The following ANO6 variants were observed in gnomAD, a reference collection of about 807,000 sequenced individuals.
ANO6 encodes the protein anoctamin 6.
A neutral mutation model predicts 117.5 loss-of-function variants in ANO6; 106 were observed. The ratio of observed to expected loss-of-function variants is 0.90; its 90% CI spans 0.77 to 1.06. The LOEUF (loss-of-function observed/expected upper bound fraction) is 1.06, where lower values mean the gene tolerates loss of function less well. Ranked by LOEUF, ANO6 falls within the 50% of genes least tolerant of loss-of-function variation. The probability of loss-of-function intolerance (pLI) is 0.00; values close to 1 mark genes in which losing one functional copy is unlikely to be tolerated. For missense variants in ANO6, 955 were observed against 1,121.1 expected, an observed-to-expected ratio of 0.85 and a Z score of 2.12; for synonymous variants, 367 against 385.1, an observed-to-expected ratio of 0.95 and a Z score of 0.55.
intron 1 of ANO6, among the ~76,000 whole-genome samples, chr12:45,248,664 C>T (rs914852169): frequency 1.3e-5 from 2 of 151,956 alleles, no homozygotes; most frequent in African/African-American, 2.4e-5. Context: ...GTGACCCGCC[C>T]GCCTCAGCTT....
At chr12:45,352,766 C>CAGAATA (rs1486481828) in intron 7 of ANO6, among the ~76,000 whole-genome samples, 1 of 151,514 alleles carries the variant, frequency 6.6e-6, no homozygotes, top group Non-Finnish European at 1.5e-5. Flanking sequence ...ATCAGATAAT[C>CAGAATA]AGGATTCAGA....
chr12:45,398,489 T>G (rs1189630719), intron 12 of ANO6, among the ~76,000 whole-genome samples: 1 of 152,212 alleles, frequency 6.6e-6, no homozygotes, highest in South Asian at 2.1e-4. Context: ...CTCAAAAATA[T>G]TCATATGCTT....
At chr12:45,282,394 A>G (rs1392743040) in intron 1 of ANO6, among the ~76,000 whole-genome samples, 2 of 152,204 alleles carry the variant, frequency 1.3e-5, no homozygotes, top group Admixed American at 6.5e-5. Context: ...TCAGAAGTCA[A>G]GGCGCAGTCA....
At chr12:45,304,454 G>C (rs1307333885) in intron 2 of ANO6, among the ~76,000 whole-genome samples, 2 of 152,138 alleles carry the variant, frequency 1.3e-5, no homozygotes, top group Non-Finnish European at 1.5e-5. Flanking sequence ...ATTGAAGAAA[G>C]AAGACTGAAA....
chr12:45,253,302 T>C (rs561687275), intron 1 of ANO6, among the ~76,000 whole-genome samples: 15 of 152,336 alleles, frequency 9.8e-5, no homozygotes, highest in Non-Finnish European at 2.2e-4. Flanking sequence ...AGAGCTTGTT[T>C]TTCTCATCTC....
At chr12:45,286,631 A>G (rs1938924819) in intron 1 of ANO6, among the ~76,000 whole-genome samples, 1 of 152,258 alleles carries the variant, frequency 6.6e-6, no homozygotes, top group Non-Finnish European at 1.5e-5. Context: ...CTCAACAGCT[A>G]TCTTCCTAAA....
At chr12:45,324,402 C>T (rs1286465060) in intron 2 of ANO6, among the ~76,000 whole-genome samples, 1 of 152,162 alleles carries the variant, frequency 6.6e-6, no homozygotes, top group Non-Finnish European at 1.5e-5. Flanking sequence ...TAGGAATCGT[C>T]ACAATCCTTT....
intron 1 of ANO6, among the ~76,000 whole-genome samples, chr12:45,248,968 G>A (rs1350396318): frequency 2.0e-5 from 3 of 152,174 alleles, no homozygotes; most frequent in Non-Finnish European, 4.4e-5. Context: ...GGAAATGGAA[G>A]CTGCTTCCTG....
At chr12:45,343,901 C>T (rs1172981023) in intron 3 of ANO6, among the ~76,000 whole-genome samples, 2 of 101,184 alleles carry the variant, frequency 2.0e-5, no homozygotes, top group Admixed American at 1.8e-4. Context: ...ATGTATTCTG[C>T]TTGGCCTGGC....
intron 16 of ANO6, among the ~76,000 whole-genome samples, chr12:45,410,772 T>C (rs1943066882): frequency 6.6e-6 from 1 of 152,248 alleles, no homozygotes; most frequent in African/African-American, 2.4e-5. Flanking sequence ...AGAAGGTGGT[T>C]TTTATTAAAT....
At chr12:45,311,207 C>G (rs1241001409) in intron 2 of ANO6, among the ~76,000 whole-genome samples, 2 of 151,940 alleles carry the variant, frequency 1.3e-5, no homozygotes, top group African/African-American at 4.8e-5. Context: ...AAATCAATCT[C>G]TAGAGGAGAC....
At position 45,429,401 on chromosome 12, in the gene ANO6, T is replaced by G; in HGVS notation, c.*90T>G. Reference sequence around the variant, plus strand: ...AATGAGAATGTGTAAGTTAAATCACTTTGGCAAATATGAGTCTCAACTATT... The same window carrying G: ...AATGAGAATGTGTAAGTTAAATCACGTTGGCAAATATGAGTCTCAACTATT... On this transcript the variant is annotated 3_prime_UTR_variant, in exon 20 of 20. Transcript: ENST00000320560. 1 of 1,545,090 alleles carries G rather than the reference T, an allele frequency of 6.5e-7. No homozygotes were observed. Among genetic ancestry groups the G allele is most frequent in the South Asian group, 1.2e-5 (1 of 83,206 alleles).
chr12:45,360,106 TGTC>T (rs1941516080), intron 8 of ANO6, among the ~76,000 whole-genome samples: 1 of 152,250 alleles, frequency 6.6e-6, no homozygotes, highest in African/African-American at 2.4e-5. Context: ...TTAGTTGTGT[TGTC>T]TTTTTATTGT....
chr12:45,371,440 T>A (rs1321295513), intron 9 of ANO6, among the ~76,000 whole-genome samples: 2 of 152,034 alleles, frequency 1.3e-5, no homozygotes, highest in Non-Finnish European at 2.9e-5. Flanking sequence ...AGCAGTAACC[T>A]CTGCAGACTG....
At chr12:45,269,829 T>C (rs1938336421) in intron 1 of ANO6, among the ~76,000 whole-genome samples, 1 of 152,192 alleles carries the variant, frequency 6.6e-6, no homozygotes, top group Non-Finnish European at 1.5e-5. Context: ...TTAGTTTTCT[T>C]GTTAATTCAA....
chr12:45,431,504 T>C lies in ANO6; in HGVS notation c.*2193T>C. 1.0e-6 allele frequency: 1 copy of C among 985,346 alleles called. No homozygotes were observed. The highest frequency in any genetic ancestry group is 1.2e-6 in the Non-Finnish European group (1 of 829,916). The allele number at this position is 985,346 out of a possible 1,614,324, so 61.0% of individuals were successfully genotyped here. ...GCCCCAGCAGAGAAAATCCTCTTCA[T>C]AGATTAAATGTGCTGCTGTGGACAG... On this transcript the variant is annotated 3_prime_UTR_variant, in exon 20 of 20. Transcript: ENST00000320560.
chr12:45,233,873 T>C (rs1356897974), intron 1 of ANO6, among the ~76,000 whole-genome samples: 1 of 152,224 alleles, frequency 6.6e-6, no homozygotes, highest in East Asian at 1.9e-4. Context: ...ATGTAAAATG[T>C]AGTTTTTTGT....
Position 45,348,606 on chromosome 12 carries a change from A to G in ANO6, c.722A>G (p.Tyr241Cys), listed in dbSNP as rs1185346065. The G allele has an allele frequency of 3.1e-6, 5 of 1,613,940 alleles. No homozygotes were observed. Among genetic ancestry groups the G allele is most frequent in the Admixed American group, 3.3e-5 (2 of 60,008 alleles). ...AACAGACTTGTAAACTCTGGGATCTACAAGGCAGCTTTCCCACTCCATGAT... is the reference window on the plus strand; with the variant it reads ...AACAGACTTGTAAACTCTGGGATCTGCAAGGCAGCTTTCCCACTCCATGAT... ...GINRLVNSGI[Y>C]KAAFPLHDCK... Residue 241 changes from tyrosine (Y) to cysteine (C), a missense_variant, in exon 6 of 20, where the codon TAC (tyrosine) becomes TGC (cysteine). Tyr to Cys is a radical substitution (Grantham distance 194, BLOSUM62 -2). Coordinates refer to ENST00000320560, the MANE Select transcript of ANO6 (RefSeq NM_001025356.3).
chr12:45,228,815 C>G (rs1565632442), intron 1 of ANO6, among the ~76,000 whole-genome samples: 1 of 152,194 alleles, frequency 6.6e-6, no homozygotes, highest in African/African-American at 2.4e-5. Context: ...CAGTTGTCAA[C>G]TGTTGTGTAT....
Sources: allele counts gnomAD v4.1 joint callset (sites outside exome capture counted in the v4.1 genomes callset), GRCh38; gene constraint gnomAD v4.1.1; transcripts MANE v1.5; gene names NCBI Gene and HGNC (gene_info 2026-07-23, HGNC 2026-07-21).